UBE3B: variants seen among roughly 807,000 people sequenced by gnomAD.
UBE3B encodes the protein ubiquitin-protein ligase E3B.
UBE3B carries 80 observed loss-of-function variants against 132.3 expected under a neutral mutation model. That is an observed-to-expected ratio of 0.60 (90% CI 0.50 to 0.73). The LOEUF is 0.73. Among genes scored for constraint, UBE3B ranks in the 30% least tolerant of loss-of-function variants. UBE3B has a pLI of 0.00. For missense variants in UBE3B, 1,196 were observed against 1,362.5 expected (o/e 0.88, Z 1.92); for synonymous variants, 487 against 520.4 (o/e 0.94, Z 0.87).
intron 14 of UBE3B, among the ~76,000 whole-genome samples, chr12:109,506,922 A>G (rs1376632534): frequency 6.6e-6 from 1 of 152,250 alleles, no homozygotes; most frequent in Non-Finnish European, 1.5e-5. Context: ...CATTCAAATA[A>G]GGCAAAGCCG....
At chr12:109,514,257 G>A (rs531983115) in intron 18 of UBE3B, among the ~76,000 whole-genome samples, 1 of 152,176 alleles carries the variant, frequency 6.6e-6, no homozygotes, top group Admixed American at 6.5e-5. Flanking sequence ...GTAGTATGGG[G>A]GCTGTGTCTG....
chr12:109,509,461 A>T (rs761767080), intron 15 of UBE3B, 135 bp from the exon 16 acceptor site: 13 of 583,002 alleles, frequency 2.2e-5, no homozygotes, highest in Non-Finnish European at 3.9e-5. Flanking sequence ...TTTTATCTGT[A>T]GATTTTACAG....
rs752149260 is a variant in UBE3B at position 109,498,275 on chromosome 12, A to G, written c.862A>G (p.Ile288Val). The change falls in exon 11 of 28, where the codon ATC becomes GTC. Residue 288 changes from isoleucine (I) to valine (V), a missense_variant. Coordinates refer to ENST00000342494, the MANE Select transcript of UBE3B (RefSeq NM_130466.4). ...ATCCCATGACATGCTTCGTAAATTC[A>G]TCATATTTTTAAGAGACCAAGATCG... is the stretch of plus-strand genomic sequence containing the variant. ...LESHDMLRKF[I>V]IFLRDQDRCR... 8 of 1,614,120 alleles carry G rather than the reference A, an allele frequency of 5.0e-6. No individual in the cohort carries two copies. Among genetic ancestry groups the G allele is most frequent in the Non-Finnish European group, 6.8e-6 (8 of 1,179,994 alleles).
At position 109,487,066 on chromosome 12, in the gene UBE3B, TTCCTGCTGTAA is replaced by T. The variant is rs199843612; in HGVS notation, c.447+494_447+504del. 4.5e-3 allele frequency among the ~76,000 whole-genome samples: 679 copies of T among 152,310 alleles called. 8 individuals carry two copies. Among genetic ancestry groups the T allele is most frequent in the East Asian group, 7.3e-3 (38 of 5,190 alleles). ...CTCCCTTTTGGGGTCACCTCGTCCTTTCCTGCTGTAATCATGGCAACGAGCAGTTTTGACTT... is the reference window on the plus strand; with the variant it reads ...CTCCCTTTTGGGGTCACCTCGTCCTTTCATGGCAACGAGCAGTTTTGACTT... On this transcript the variant is annotated intron_variant, in intron 6 of 27. Coordinates refer to ENST00000342494, the MANE Select transcript of UBE3B (RefSeq NM_130466.4).
At chr12:109,508,824 A>T (rs1223288088) in intron 15 of UBE3B, 1 of 861,320 alleles carries the variant, frequency 1.2e-6, no homozygotes, top group Non-Finnish European at 1.4e-6. Flanking sequence ...TCTTTCAAAC[A>T]TTTATTCATT....
intron 26 of UBE3B, among the ~76,000 whole-genome samples, chr12:109,532,699 G>A (rs1883059728): frequency 6.6e-6 from 1 of 152,244 alleles, no homozygotes; most frequent in Non-Finnish European, 1.5e-5. Context: ...GCTGCCGCTT[G>A]GAGAACGCCG....
At chr12:109,547,699 C>G in the UBE3B span, among the ~76,000 whole-genome samples, 13 of 152,314 alleles carry the variant, frequency 8.5e-5, no homozygotes, top group African/African-American at 2.9e-4. The surrounding 1 kb of genome is among the most constrained non-coding windows in gnomAD (Gnocchi z 4.1). Flanking sequence ...AACCCTCCCC[C>G]AAACCCCAAC....
intron 16 of UBE3B, among the ~76,000 whole-genome samples, chr12:109,509,996 C>A (rs1880156057): frequency 6.6e-6 from 1 of 152,170 alleles, no homozygotes; most frequent in African/African-American, 2.4e-5. Flanking sequence ...CCTGTTGATT[C>A]TTCCATTTGA....
In UBE3B at chr12:109,534,509, C is replaced by A. The variant is rs1219318431; in HGVS notation, c.3016-82C>A. 6.6e-7 allele frequency: 1 copy of A among 1,525,246 alleles called. No individual in the cohort carries two copies. The highest frequency in any genetic ancestry group is 1.4e-5 in the African/African-American group (1 of 71,870). The allele number at this position is 1,525,246 out of a possible 1,614,324, so 94.5% of individuals were successfully genotyped here. A position where few individuals can be genotyped will look rare whatever the true frequency, so the allele number is the denominator to read the frequency against. On this transcript the variant is annotated intron_variant, in intron 27 of 27. Coordinates refer to ENST00000342494, the MANE Select transcript of UBE3B (RefSeq NM_130466.4). The surrounding 1 kb of genome is among the most constrained non-coding windows in gnomAD (Gnocchi z 5.2). ...CATCCAGGGACTGGCCAGATCCCCT[C>A]CCTGGGCTCCCTGGCCTTGGCATCA... is the stretch of plus-strand genomic sequence containing the variant.
rs1882854862 is a variant in UBE3B, at chr12:109,530,735, C to G, written c.2922+77C>G. The G allele has an allele frequency of 7.3e-6, 10 of 1,374,456 alleles. 1 individual carries two copies. The South Asian group carries it at 9.8e-5, about 13-fold the overall frequency. The allele number at this position is 1,374,456 out of a possible 1,614,324, so 85.1% of individuals were successfully genotyped here. A position where few individuals can be genotyped will look rare whatever the true frequency, so the allele number is the denominator to read the frequency against. On this transcript the variant is annotated intron_variant, in intron 26 of 27. Coordinates refer to ENST00000342494, the MANE Select transcript of UBE3B (RefSeq NM_130466.4). ...AGGCCAGTTGATGTAATAATTTACGCTGAAGAAACTGAAATTATCAGGAGG... is the reference window on the plus strand; with the variant it reads ...AGGCCAGTTGATGTAATAATTTACGGTGAAGAAACTGAAATTATCAGGAGG...
rs1455941782 is a variant in UBE3B at position 109,490,652 on chromosome 12, AAATTTT to A, written c.631-390_631-385del. 2.6e-6 allele frequency: 4 copies of A among 1,511,168 alleles called. No homozygotes were observed. In the African/African-American group the frequency reaches 4.2e-5, roughly 16 times the overall value. 93.6% of individuals were successfully genotyped at this position (1,511,168 alleles called of 1,614,324 possible). A position where few individuals can be genotyped will look rare whatever the true frequency, so the allele number is the denominator to read the frequency against. ...GCTTCTAAAATAATATGATGTCTTT[AAATTTT>A]AAGTCTGGCATTATTTGTATTAGCT... is the stretch of plus-strand genomic sequence containing the variant. On this transcript the variant is annotated intron_variant, in intron 8 of 27. Coordinates refer to ENST00000342494, the MANE Select transcript of UBE3B (RefSeq NM_130466.4).
downstream of UBE3B, among the ~76,000 whole-genome samples, chr12:109,540,385 A>G (rs756503210): frequency 6.6e-6 from 1 of 152,022 alleles, no homozygotes; most frequent in Non-Finnish European, 1.5e-5. Flanking sequence ...TTTATTTTGT[A>G]TTTTTTATAG....
At position 109,483,528 on chromosome 12, in the gene UBE3B, C is replaced by A. The variant is rs1875839649; in HGVS notation, c.-21-3C>A. ...AACACCCACTTGCCCATTTTCCTTG[C>A]AGGGTTTGTGCAAGTTTGCAAACAT... is the stretch of plus-strand genomic sequence containing the variant. On this transcript the variant is annotated splice_region_variant and splice_polypyrimidine_tract_variant and intron_variant, in intron 2 of 27. Coordinates refer to ENST00000342494, the MANE Select transcript of UBE3B (RefSeq NM_130466.4). The A allele has an allele frequency of 1.3e-6, 2 of 1,534,982 alleles. No individual in the cohort carries two copies. Among genetic ancestry groups the A allele is most frequent in the Middle Eastern group, 3.7e-4 (2 of 5,474 alleles).
intron 26 of UBE3B, among the ~76,000 whole-genome samples, chr12:109,532,098 C>T (rs963241679): frequency 7.2e-5 from 11 of 152,220 alleles, no homozygotes; most frequent in Admixed American, 2.6e-4. Context: ...CCTCCCCGCT[C>T]GCAGGAGCGG....
At chr12:109,482,067 A>T (rs1875551809) in intron 2 of UBE3B, among the ~76,000 whole-genome samples, 1 of 152,080 alleles carries the variant, frequency 6.6e-6, no homozygotes, top group African/African-American at 2.4e-5. Flanking sequence ...GTATTATTTT[A>T]TTGTCCTTAT....
chr12:109,542,625 T>G, the UBE3B span, among the ~76,000 whole-genome samples: 1 of 152,178 alleles, frequency 6.6e-6, no homozygotes, highest in African/African-American at 2.4e-5. Context: ...ATGTGACTGG[T>G]GTCCTTACAG....
At chr12:109,520,291 T>C (rs573599332) in intron 19 of UBE3B, 2 of 152,278 alleles carry the variant, frequency 1.3e-5, no homozygotes, top group Non-Finnish European at 2.9e-5. Context: ...CCCCAAGTAC[T>C]AGGAATGCAT....
intron 24 of UBE3B, among the ~76,000 whole-genome samples, chr12:109,526,896 A>C (rs1369155427): frequency 6.6e-6 from 1 of 152,032 alleles, no homozygotes; most frequent in Admixed American, 6.5e-5. Context: ...TTGATTTGCA[A>C]AATAAGAATT....
chr12:109,486,582 A>AC lies in UBE3B; in HGVS notation c.447+7_447+8insC, dbSNP rs1566074234. ...TTTTCTCAAGCAGCTCAAGGTAACA[A>AC]AAAAAAAAAAAAAAAAAAAAAGCAA... On this transcript the variant is annotated splice_region_variant and intron_variant, in intron 6 of 27. Transcript: ENST00000342494. 2.0e-6 allele frequency: 1 copy of AC among 491,076 alleles called. No individual in the cohort carries two copies. The allele number at this position is 491,076 out of a possible 1,614,324, so 30.4% of individuals were successfully genotyped here.
Sources: gnomAD v4.1 joint callset for allele counts (sites outside exome capture counted in the v4.1 genomes callset) on GRCh38, gnomAD v4.1.1 for gene constraint, Gnocchi (gnomAD v3.1) non-coding constraint, MANE v1.5 for transcripts, NCBI Gene and HGNC (gene_info 2026-07-23, HGNC 2026-07-21) for gene names.